The following ADGRL2 variants were observed in gnomAD, a reference collection of about 807,000 sequenced individuals.
ADGRL2 encodes calcium-independent alpha-latrotoxin receptor 2.
Under a neutral mutation model 157.4 loss-of-function variants are expected in ADGRL2, and 44 were observed. The observed-to-expected ratio is 0.28, with a 90% CI of 0.22 to 0.36. The LOEUF (loss-of-function observed/expected upper bound fraction) is 0.36. ADGRL2 is among the 10% of genes least tolerant of loss of function. The pLI is 1.00. For synonymous variants in ADGRL2, 585 were observed against 624.7 expected, an observed-to-expected ratio of 0.94 and a Z score of 0.95; for missense variants, 1,510 against 1,768.9, an observed-to-expected ratio of 0.85 and a Z score of 2.63.
chr1:81,666,208 T>G (rs2082747508), intron 3 of ADGRL2, among the ~76,000 whole-genome samples: 1 of 152,118 alleles, frequency 6.6e-6, no homozygotes, highest in Admixed American at 6.6e-5. Flanking sequence ...ATAGAACAAC[T>G]CCGTGTGGCC....
chr1:81,498,897 A>G (rs1301978546), intron 2 of ADGRL2, among the ~76,000 whole-genome samples: 1 of 152,230 alleles, frequency 6.6e-6, no homozygotes, highest in South Asian at 2.1e-4. Context: ...AACATACAAT[A>G]AAAAGGAAGG....
chr1:81,366,402 A>G (rs1327986157), intron 1 of ADGRL2, among the ~76,000 whole-genome samples: 3 of 152,198 alleles, frequency 2.0e-5, no homozygotes, highest in Non-Finnish European at 4.4e-5. Context: ...ACATGCCAGA[A>G]ACTCTACAAA....
At chr1:81,478,478 CAT>C (rs1349205295) in intron 2 of ADGRL2, among the ~76,000 whole-genome samples, 17 of 152,328 alleles carry the variant, frequency 1.1e-4, no homozygotes, top group Admixed American at 2.6e-4. Context: ...CTTATCGAGA[CAT>C]GTGGTGCTTG....
chr1:81,456,462 C>T (rs903735515), intron 2 of ADGRL2, among the ~76,000 whole-genome samples: 4 of 151,906 alleles, frequency 2.6e-5, no homozygotes, highest in Non-Finnish European at 5.9e-5. Flanking sequence ...AGTATCAAAG[C>T]CCTGGCCTCA....
At chr1:81,721,697 A>AC (rs1250003439) in intron 1 of ADGRL2, 7 of 1,330,734 alleles carry the variant, frequency 5.3e-6, no homozygotes, top group African/African-American at 2.9e-5. Flanking sequence ...CTGACCATGG[A>AC]CCCCCCGCAA....
intron 1 of ADGRL2, among the ~76,000 whole-genome samples, chr1:81,755,189 G>GAT (rs10561035): frequency 4.9e-4 from 68 of 138,264 alleles, no homozygotes; most frequent in East Asian, 1.1e-3. Flanking sequence ...TAGATTTAAA[G>GAT]ATATATATAT....
intron 3 of ADGRL2, among the ~76,000 whole-genome samples, chr1:81,658,742 G>A (rs546245357): frequency 9.1e-4 from 139 of 152,072 alleles, no homozygotes; most frequent in African/African-American, 3.3e-3. Flanking sequence ...TCTATTGAAT[G>A]CCTGCTAGTT....
At chr1:81,552,619 A>AAAG (rs2080176937) in intron 2 of ADGRL2, among the ~76,000 whole-genome samples, 1 of 151,330 alleles carries the variant, frequency 6.6e-6, no homozygotes, top group African/African-American at 2.4e-5. Context: ...AAAAAAAAAA[A>AAAG]AAAAACAGAA....
intron 4 of ADGRL2, 43 bp from the exon 5 acceptor site, chr1:81,941,991 C>T (rs1479500301): frequency 1.3e-6 from 1 of 755,340 alleles, no homozygotes; most frequent in Middle Eastern, 2.3e-4. Flanking sequence ...TTCTTTTTTC[C>T]TTGCACCTTT....
chr1:81,791,270 A>T (rs971512702), intron 2 of ADGRL2, among the ~76,000 whole-genome samples: 1 of 152,088 alleles, frequency 6.6e-6, no homozygotes, highest in Non-Finnish European at 1.5e-5. Flanking sequence ...TAGACCAGAG[A>T]CTTTACAAAA....
At chr1:81,846,161 C>A (rs985552564) in intron 2 of ADGRL2, among the ~76,000 whole-genome samples, 1 of 151,372 alleles carries the variant, frequency 6.6e-6, no homozygotes, top group Non-Finnish European at 1.5e-5. Flanking sequence ...AAGTTTGGAA[C>A]ATAGCCAAAT....
At chr1:81,332,255 A>C (rs1661324967) in intron 1 of ADGRL2, among the ~76,000 whole-genome samples, 1 of 152,214 alleles carries the variant, frequency 6.6e-6, no homozygotes, top group South Asian at 2.1e-4. Flanking sequence ...TATGTACTCA[A>C]GGTTCTAGAA....
At chr1:81,537,263 T>G (rs2079762827) in intron 2 of ADGRL2, among the ~76,000 whole-genome samples, 1 of 152,142 alleles carries the variant, frequency 6.6e-6, no homozygotes, top group Admixed American at 6.5e-5. Context: ...ACTTACAGTA[T>G]GACTATTTCT....
chr1:81,827,776 G>T (rs2091622802), intron 1 of ADGRL2, among the ~76,000 whole-genome samples: 1 of 152,048 alleles, frequency 6.6e-6, no homozygotes, highest in African/African-American at 2.4e-5. Flanking sequence ...AGTTGTCCAG[G>T]CTGGTCTCGA....
intron 2 of ADGRL2, among the ~76,000 whole-genome samples, chr1:81,785,923 A>G (rs986762509): frequency 6.6e-6 from 1 of 151,838 alleles, no homozygotes; most frequent in African/African-American, 2.4e-5. Flanking sequence ...CCTGGACAAA[A>G]TAGAGAGACT....
intron 2 of ADGRL2, among the ~76,000 whole-genome samples, chr1:81,543,361 T>C (rs6680301): frequency 0.18 from 27,487 of 152,026 alleles, 2,611 homozygotes; most frequent in African/African-American, 0.23. Flanking sequence ...GGAGAAGGCA[T>C]TATCTATGAA....
At chr1:81,556,622 A>G (rs535096217) in intron 2 of ADGRL2, among the ~76,000 whole-genome samples, 1 of 152,272 alleles carries the variant, frequency 6.6e-6, no homozygotes, top group East Asian at 1.9e-4. Context: ...ACCAAAAAAA[A>G]AAAAATTTTT....
intron 2 of ADGRL2, among the ~76,000 whole-genome samples, chr1:81,548,354 A>G (rs1160219584): frequency 6.6e-5 from 10 of 151,960 alleles, no homozygotes; most frequent in African/African-American, 2.4e-4. Flanking sequence ...ACAGAATTCT[A>G]GTAGAAATTA....
At chr1:81,426,518 G>A (rs539052160) in intron 1 of ADGRL2, 27 of 413,870 alleles carry the variant, frequency 6.5e-5, no homozygotes, top group African/African-American at 3.5e-4. Context: ...CGTCACCGCC[G>A]GGAGCAGAGG....
Sources: gnomAD v4.1 joint callset for allele counts (sites outside exome capture counted in the v4.1 genomes callset) on GRCh38, gnomAD v4.1.1 for gene constraint, MANE v1.5 for transcripts, NCBI Gene and HGNC (gene_info 2026-07-23, HGNC 2026-07-21) for gene names.